The following SIK3 variants were observed in gnomAD, a reference collection of about 807,000 sequenced individuals.
SIK3 encodes SIK family kinase 3, also known as serine/threonine-protein kinase SIK3.
In SIK3, 28 loss-of-function variants were observed where a neutral mutation model predicts 144.2. That is an observed-to-expected ratio of 0.19 (90% CI 0.14 to 0.27). The LOEUF (loss-of-function observed/expected upper bound fraction) is 0.27. SIK3 is among the 10% of genes least tolerant of loss of function. The pLI, the probability that SIK3 is intolerant of heterozygous loss-of-function variation, is 1.00. For missense variants in SIK3, 1,319 were observed against 1,776.0 expected (o/e 0.74, Z 4.62); for synonymous variants, 686 against 676.3 (o/e 1.01, Z -0.22).
At chr11:117,010,431 C>T (rs148548314) in intron 1 of SIK3, among the ~76,000 whole-genome samples, 94 of 152,260 alleles carry the variant, frequency 6.2e-4, no homozygotes, top group African/African-American at 1.9e-3. Flanking sequence ...GACTAGGATG[C>T]TGTGTTCTCA....
At chr11:116,900,736 G>T (rs1945688705) in intron 4 of SIK3, among the ~76,000 whole-genome samples, 1 of 152,088 alleles carries the variant, frequency 6.6e-6, no homozygotes, top group African/African-American at 2.4e-5. Context: ...CTTCCTGTAT[G>T]AAGGCTTAAC....
intron 1 of SIK3, among the ~76,000 whole-genome samples, chr11:117,005,559 A>G (rs1951016954): frequency 6.6e-6 from 1 of 152,098 alleles, no homozygotes; most frequent in Admixed American, 6.6e-5. Flanking sequence ...TTTTGAAGTC[A>G]GGCTCTCTTG....
intron 1 of SIK3, among the ~76,000 whole-genome samples, chr11:117,028,398 G>A (rs781382712): frequency 4.6e-5 from 7 of 151,982 alleles, no homozygotes; most frequent in Admixed American, 6.6e-5. Flanking sequence ...TGCTCTAGGC[G>A]GTAGAAAGCA....
chr11:116,887,789 G>A (rs1285969887), intron 6 of SIK3, among the ~76,000 whole-genome samples: 4 of 152,134 alleles, frequency 2.6e-5, no homozygotes, highest in African/African-American at 9.7e-5. Flanking sequence ...CATTCTAGTG[G>A]GGAGAGGAGG....
At chr11:117,025,640 G>C (rs911701831) in intron 1 of SIK3, among the ~76,000 whole-genome samples, 1 of 151,976 alleles carries the variant, frequency 6.6e-6, no homozygotes. Context: ...ATGTTGTCCA[G>C]GCTGGTCTTG....
At chr11:116,943,912 TA>T (rs34561422) in intron 3 of SIK3, among the ~76,000 whole-genome samples, 2,033 of 144,534 alleles carry the variant, frequency 0.014, 38 homozygotes, top group African/African-American at 0.044. Context: ...CATTTAAAAG[TA>T]AAAAAAAAAA....
intron 21 of SIK3, among the ~76,000 whole-genome samples, chr11:116,856,561 C>G (rs1465155132): frequency 6.6e-6 from 1 of 152,202 alleles, no homozygotes; most frequent in East Asian, 1.9e-4. Flanking sequence ...TGATCTGGTT[C>G]TGAAAGCTCC....
rs189806255 is a variant in SIK3 at position 117,008,234 on chromosome 11, T to C, written c.274-51170A>G. ...AGCCTAAATAATTGCCAAAGGAAAA[T>C]AAACTAACATTTATATGCTATGCTA... On this transcript the variant is annotated intron_variant, in intron 1 of 24. Transcript: ENST00000445177. 2.0e-5 allele frequency among the ~76,000 whole-genome samples: 3 copies of C among 151,352 alleles called. No homozygotes were observed. In the East Asian group the frequency reaches 5.8e-4, roughly 29 times the overall value.
intron 1 of SIK3, among the ~76,000 whole-genome samples, chr11:117,091,200 C>CTTTTTTTTTTTTTTTTTTTTTTTTTT (rs386375011): frequency 1.1e-5 from 1 of 93,008 alleles, no homozygotes; most frequent in African/African-American, 4.3e-5. Context: ...TTTTTTTTTT[C>CTTTTTTTTTTTTTTTTTTTTTTTTTT]TTTTTTTTTT....
chr11:117,098,253 A>G lies in SIK3; in HGVS notation c.163T>C (p.Ser55Pro). Residue 55 changes from serine (S) to proline (P), a missense_variant, in exon 1 of 25, where the codon TCC becomes CCC. Physicochemically the swap from Ser to Pro is moderately conservative, Grantham distance 74. Coordinates refer to ENST00000445177, the MANE Select transcript of SIK3 (RefSeq NM_001366686.3). ...ATACGGGCGGGCATGGGTCCGCGGG[A>G]GGCCGGGGCTGGGGGACGCGGCTGG... Reference protein sequence around the residue: ...AGQPRPPAPASRGPMPARIGY... With the variant: ...AGQPRPPAPAPRGPMPARIGY... The G allele has an allele frequency of 2.1e-6, 3 of 1,443,070 alleles. No homozygotes were observed. The highest frequency in any genetic ancestry group is 3.2e-5 in the East Asian group (1 of 31,510). 89.4% of individuals were successfully genotyped at this position (1,443,070 alleles called of 1,614,324 possible).
rs1565488027 is a variant in SIK3, at chr11:116,947,562, TG to T, written c.454+6481del. On this transcript the variant is annotated intron_variant, in intron 3 of 24. Coordinates refer to ENST00000445177, the MANE Select transcript of SIK3 (RefSeq NM_001366686.3). The stretch of plus-strand genomic sequence containing the variant: ...ATGTATGTATGTATGTATGTATGTA[TG>T]TATGTATTTTTTTTTTTTTTGAGAC... 4.0e-3 allele frequency among the ~76,000 whole-genome samples: 256 copies of T among 63,234 alleles called. 1 individual carries two copies. The highest frequency in any genetic ancestry group is 7.9e-3 in the Middle Eastern group (1 of 126). The allele number at this position is 63,234 out of a possible 152,430, so 41.5% of individuals were successfully genotyped here.
At chr11:117,071,529 G>C (rs1371422073) in intron 1 of SIK3, among the ~76,000 whole-genome samples, 1 of 152,032 alleles carries the variant, frequency 6.6e-6, no homozygotes, top group East Asian at 1.9e-4. Context: ...CTAGAACACA[G>C]TGACACTCAA....
At chr11:116,954,336 A>T (rs1222775117) in intron 2 of SIK3, among the ~76,000 whole-genome samples, 2 of 152,208 alleles carry the variant, frequency 1.3e-5, no homozygotes, top group African/African-American at 4.8e-5. Context: ...CTTGAGAGAG[A>T]TAGGCTTTTT....
At position 117,056,530 on chromosome 11, in the gene SIK3, TATATAGATAGATATAG is replaced by T. The variant is rs1953531991; in HGVS notation, c.273+41597_273+41612del. Among the ~76,000 whole-genome samples, 5 of 144,068 alleles carry T rather than the reference TATATAGATAGATATAG, an allele frequency of 3.5e-5. No homozygotes were observed. In the South Asian group the frequency reaches 6.6e-4, roughly 19 times the overall value. The allele number at this position is 144,068 out of a possible 152,430, so 94.5% of individuals were successfully genotyped here. ...CCTAGAACTTAAAGTATAATAAAAA[TATATAGATAGATATAG>T]ATATAGATATAGATATAGATATAGA... On this transcript the variant is annotated intron_variant, in intron 1 of 24. Transcript: ENST00000445177.
chr11:117,059,939 T>C (rs1370009767), intron 1 of SIK3, among the ~76,000 whole-genome samples: 1 of 152,330 alleles, frequency 6.6e-6, no homozygotes, highest in East Asian at 1.9e-4. Context: ...GTAAGACAGT[T>C]TGGCAGTTTC....
intron 12 of SIK3, 111 bp from the exon 13 acceptor site, chr11:116,873,747 C>T: frequency 6.8e-7 from 1 of 1,464,370 alleles, no homozygotes; most frequent in Non-Finnish European, 9.2e-7. Flanking sequence ...ATGACAGAGA[C>T]TAGAGGACGC....
chr11:116,904,464 T>A (rs1945915347), intron 4 of SIK3, among the ~76,000 whole-genome samples: 1 of 152,188 alleles, frequency 6.6e-6, no homozygotes, highest in Non-Finnish European at 1.5e-5. Flanking sequence ...ACCATTACTA[T>A]TTTTTCTTTC....
chr11:116,911,317 G>A (rs528645010), intron 4 of SIK3, among the ~76,000 whole-genome samples: 49 of 152,154 alleles, frequency 3.2e-4, no homozygotes, highest in African/African-American at 6.7e-4. Context: ...AGACCAGCCT[G>A]GTCAACACGG....
At chr11:116,872,979 T>C (rs1043333344) in intron 13 of SIK3, among the ~76,000 whole-genome samples, 1 of 152,254 alleles carries the variant, frequency 6.6e-6, no homozygotes. Flanking sequence ...GTGACTAAGA[T>C]AACTGACTCG....
Sources: allele counts gnomAD v4.1 joint callset (sites outside exome capture counted in the v4.1 genomes callset), GRCh38; gene constraint gnomAD v4.1.1; transcripts MANE v1.5; gene names NCBI Gene and HGNC (gene_info 2026-07-23, HGNC 2026-07-21).